TAFA2: variants seen among roughly 807,000 people sequenced by gnomAD.
TAFA2 encodes TAFA chemokine like family member 2, also known as chemokine-like protein TAFA-2.
In TAFA2, 7 loss-of-function variants were observed where a neutral mutation model predicts 18.8. That is an observed-to-expected ratio of 0.37 (90% CI 0.21 to 0.70). TAFA2 has a LOEUF of 0.70. Ranked by LOEUF, TAFA2 falls within the 30% of genes least tolerant of loss-of-function variation. The pLI, the probability that TAFA2 is intolerant of heterozygous loss-of-function variation, is 0.53. For synonymous variants in TAFA2, 60 were observed against 54.2 expected, an observed-to-expected ratio of 1.11 and a Z score of -0.47; for missense variants, 122 against 158.1, an observed-to-expected ratio of 0.77 and a Z score of 1.23.
intron 2 of TAFA2, among the ~76,000 whole-genome samples, chr12:61,863,500 A>G (rs1341014565): frequency 1.3e-5 from 2 of 152,178 alleles, no homozygotes; most frequent in Admixed American, 1.3e-4. Flanking sequence ...AAAATCTAGA[A>G]TGGCTGGGGG....
intron 2 of TAFA2, among the ~76,000 whole-genome samples, chr12:61,768,627 C>A (rs1049269571): frequency 6.6e-6 from 1 of 151,988 alleles, no homozygotes; most frequent in South Asian, 2.1e-4. Flanking sequence ...ATTTAGAGAG[C>A]AAAGTGAAAT....
intron 1 of TAFA2, among the ~76,000 whole-genome samples, chr12:62,092,181 C>T (rs1428042569): frequency 1.3e-5 from 2 of 151,884 alleles, no homozygotes; most frequent in East Asian, 3.9e-4. Context: ...GCATGGGAAC[C>T]AGCTCTTCTC....
chr12:61,839,021 G>A (rs993267197), intron 2 of TAFA2, among the ~76,000 whole-genome samples: 14 of 152,030 alleles, frequency 9.2e-5, no homozygotes, highest in African/African-American at 3.1e-4. Context: ...AGGACTATTA[G>A]ACATGAATAG....
intron 2 of TAFA2, among the ~76,000 whole-genome samples, chr12:61,825,769 C>T (rs1228277650): frequency 2.6e-5 from 4 of 151,882 alleles, no homozygotes; most frequent in South Asian, 2.1e-4. Flanking sequence ...TTTTGAAAGA[C>T]GCCATAGAAA....
At chr12:61,826,207 T>C (rs1872530718) in intron 2 of TAFA2, among the ~76,000 whole-genome samples, 1 of 152,078 alleles carries the variant, frequency 6.6e-6, no homozygotes, top group Non-Finnish European at 1.5e-5. Flanking sequence ...AATTTTCTTG[T>C]TTTCTGCAGT....
At chr12:61,901,163 A>G (rs1876080780) in intron 1 of TAFA2, among the ~76,000 whole-genome samples, 1 of 152,144 alleles carries the variant, frequency 6.6e-6, no homozygotes, top group Admixed American at 6.5e-5. Flanking sequence ...CACTTGACTA[A>G]TAATCTTTTC....
intron 1 of TAFA2, among the ~76,000 whole-genome samples, chr12:61,964,762 T>C (rs1879011437): frequency 6.6e-6 from 1 of 151,922 alleles, no homozygotes; most frequent in Non-Finnish European, 1.5e-5. Flanking sequence ...TTCCTTCCTC[T>C]ACCACCTCTT....
intron 1 of TAFA2, among the ~76,000 whole-genome samples, chr12:62,203,212 T>A (rs1414542039): frequency 6.6e-6 from 1 of 152,250 alleles, no homozygotes; most frequent in Non-Finnish European, 1.5e-5. Context: ...CTGTTTGTTA[T>A]GATTTTGGTT....
At chr12:61,760,365 A>ATATATATATATATATATATATAT (rs1869483548) in intron 2 of TAFA2, among the ~76,000 whole-genome samples, 10 of 122,220 alleles carry the variant, frequency 8.2e-5, no homozygotes, top group South Asian at 2.8e-4. Flanking sequence ...AAAATATCAA[A>ATATATATATATATATATATATAT]ATATATATAT....
rs555378007 is a variant in TAFA2, at chr12:62,250,854, C to T, written c.-130+7909G>A. On this transcript the variant is annotated intron_variant, in intron 1 of 5. Coordinates refer to the TAFA2 transcript ENST00000551619. ...CTTGTCTCTTGATCTCTTTTTGCAA[C>T]GAGAACATGACTCAGCTAGCCTCTG... Among the ~76,000 whole-genome samples the T allele has an allele frequency of 5.6e-4, 83 of 149,540 alleles. 2 individuals carry two copies. The South Asian group carries it at 0.013, about 23-fold the overall frequency.
At chr12:61,880,452 T>G (rs2121268635) in intron 1 of TAFA2, 1 of 538,670 alleles carries the variant, frequency 1.9e-6, no homozygotes, top group South Asian at 1.4e-5. Context: ...TACCAGGAGC[T>G]GATGAATGTC....
intron 1 of TAFA2, among the ~76,000 whole-genome samples, chr12:61,881,100 A>AT (rs200135627): frequency 6.6e-6 from 1 of 151,864 alleles, no homozygotes; most frequent in African/African-American, 2.4e-5. Context: ...TTCCTACTAA[A>AT]TTTTTTTTTC....
chr12:61,712,452 T>A (rs1869458197), intron 4 of TAFA2, among the ~76,000 whole-genome samples: 1 of 152,060 alleles, frequency 6.6e-6, no homozygotes, highest in Non-Finnish European at 1.5e-5. Flanking sequence ...CTAAAACAAT[T>A]TTTTTCTCCA....
chr12:61,890,485 G>A (rs1034231992), intron 1 of TAFA2: 1 of 152,234 alleles, frequency 6.6e-6, no homozygotes, highest in Non-Finnish European at 1.5e-5. Context: ...GCTAATGAAT[G>A]TTACACCTCA....
intron 2 of TAFA2, among the ~76,000 whole-genome samples, chr12:61,851,922 G>C (rs1358995923): frequency 7.2e-6 from 1 of 138,698 alleles, no homozygotes; most frequent in African/African-American, 2.7e-5. Flanking sequence ...TTGGATAAAA[G>C]ACAAGCCGGG....
At chr12:61,728,955 C>A (rs1458414743) in intron 4 of TAFA2, among the ~76,000 whole-genome samples, 1 of 151,932 alleles carries the variant, frequency 6.6e-6, no homozygotes, top group Non-Finnish European at 1.5e-5. Flanking sequence ...ATTCTCTCAG[C>A]ATTTGTTTGT....
intron 1 of TAFA2, among the ~76,000 whole-genome samples, chr12:62,208,643 T>A (rs533775656): frequency 1.2e-4 from 19 of 152,100 alleles, no homozygotes; most frequent in African/African-American, 4.3e-4. Flanking sequence ...TAATGGCCCA[T>A]ATAATGAATA....
At chr12:61,756,013 G>A (rs777684918) in intron 2 of TAFA2, among the ~76,000 whole-genome samples, 36 of 152,050 alleles carry the variant, frequency 2.4e-4, no homozygotes, top group Admixed American at 3.3e-4. Flanking sequence ...AAAAGCAGGA[G>A]ATCTTAAGTT....
intron 1 of TAFA2, among the ~76,000 whole-genome samples, chr12:62,104,276 CA>C (rs66467365): frequency 0.92 from 134,453 of 145,920 alleles, 61,911 homozygotes; most frequent in East Asian, 0.99. Context: ...TCTTCTGAAG[CA>C]AAAAAAAAAA....
Sources: allele counts gnomAD v4.1 joint callset (sites outside exome capture counted in the v4.1 genomes callset), GRCh38; gene constraint gnomAD v4.1.1; transcripts MANE v1.5; gene names NCBI Gene and HGNC (gene_info 2026-07-23, HGNC 2026-07-21).